Variants in PHTF1 observed in about 807,000 individuals in gnomAD.
PHTF1 encodes protein PHTF1.
A neutral mutation model predicts 102.4 loss-of-function variants in PHTF1; 88 were observed. The observed-to-expected ratio is 0.86, with a 90% confidence interval of 0.72 to 1.03. PHTF1 has a LOEUF of 1.03. Ranked by LOEUF, PHTF1 falls within the 50% of genes least tolerant of loss-of-function variation. The probability of loss-of-function intolerance (pLI) is 0.00; values close to 1 mark genes in which losing one functional copy is unlikely to be tolerated. For synonymous variants in PHTF1, 289 were observed against 305.2 expected (o/e 0.95, Z 0.55); for missense variants, 814 against 909.5 (o/e 0.89, Z 1.35).
chr1:113,758,001 T>C (rs1487065519), intron 2 of PHTF1, among the ~76,000 whole-genome samples: 1 of 152,112 alleles, frequency 6.6e-6, no homozygotes, highest in African/African-American at 2.4e-5. Flanking sequence ...CCTTAAAAGA[T>C]ATTTCCACTT....
intron 3 of PHTF1, among the ~76,000 whole-genome samples, chr1:113,755,532 C>T (rs1371546336): frequency 6.6e-6 from 1 of 151,986 alleles, no homozygotes; most frequent in African/African-American, 2.4e-5. Context: ...TACATTAAGG[C>T]GTGGTTAGGT....
At chr1:113,699,313 T>TA in intron 17 of PHTF1, 1 of 306,668 alleles carries the variant, frequency 3.3e-6, no homozygotes, top group Non-Finnish European at 6.3e-6. Context: ...TATAGCCCCA[T>TA]GGATGGTGCT....
chr1:113,729,441 A>G (rs1305155914), intron 5 of PHTF1, among the ~76,000 whole-genome samples: 1 of 152,222 alleles, frequency 6.6e-6, no homozygotes, highest in Non-Finnish European at 1.5e-5. Flanking sequence ...TAAATGCTTG[A>G]GAAGATGAAT....
At position 113,704,731 on chromosome 1, in the gene PHTF1, G is replaced by T. The variant is rs761288051; in HGVS notation, c.1738C>A (p.Pro580Thr). The change falls in exon 14 of 19, where the codon CCT becomes ACT. Residue 580 changes from proline to threonine, a missense_variant. By Grantham distance (38) the Pro-to-Thr change is conservative. Coordinates refer to ENST00000369604, the MANE Select transcript of PHTF1 (RefSeq NM_001323043.2). ...SARKARKYEIPHFRLKKVENI... is the reference protein window; with the variant it reads ...SARKARKYEITHFRLKKVENI... The stretch of plus-strand genomic sequence containing the variant: ...TCCACCTTCTTAAGTCTGAAATGAG[G>T]TATTTCATATTTCCTAGCTTTCCTG... 1.3e-6 allele frequency: 2 copies of T among 1,568,184 alleles called. No individual in the cohort carries two copies. Among genetic ancestry groups the T allele is most frequent in the African/African-American group, 1.4e-5 (1 of 73,998 alleles).
At chr1:113,758,794 G>A (rs899799825) in intron 1 of PHTF1, 61 bp from the exon 2 acceptor site, 10 of 1,525,406 alleles carry the variant, frequency 6.6e-6, no homozygotes, top group Non-Finnish European at 6.2e-6. Context: ...TCCCAGTTTG[G>A]GTAGGACGCG....
chr1:113,722,529 T>C (rs1014207050), intron 7 of PHTF1, among the ~76,000 whole-genome samples: 3 of 152,118 alleles, frequency 2.0e-5, no homozygotes, highest in Non-Finnish European at 4.4e-5. Context: ...AAAATATCCA[T>C]ATTAACCAAA....
chr1:113,732,419 C>T (rs958568144), intron 5 of PHTF1, among the ~76,000 whole-genome samples: 1 of 152,112 alleles, frequency 6.6e-6, no homozygotes, highest in Middle Eastern at 3.4e-3. Context: ...TTGCTTGAAC[C>T]CAGGAGGCAG....
chr1:113,730,054 A>T (rs1210266934), intron 5 of PHTF1, among the ~76,000 whole-genome samples: 1 of 152,180 alleles, frequency 6.6e-6, no homozygotes, highest in African/African-American at 2.4e-5. Flanking sequence ...AAGTTCTGAG[A>T]GTCATTCCAT....
At chr1:113,741,773 G>T (rs1656402839) in intron 3 of PHTF1, among the ~76,000 whole-genome samples, 1 of 152,102 alleles carries the variant, frequency 6.6e-6, no homozygotes, top group Non-Finnish European at 1.5e-5. Flanking sequence ...TATCTTCAAA[G>T]AATGTACAGT....
chr1:113,733,090 A>C (rs1024171419), intron 5 of PHTF1, among the ~76,000 whole-genome samples: 1 of 50,268 alleles, frequency 2.0e-5, no homozygotes, highest in African/African-American at 1.5e-4. Flanking sequence ...TTTTTTGTAG[A>C]GATGGGATCT....
intron 7 of PHTF1, among the ~76,000 whole-genome samples, chr1:113,719,718 T>G (rs1359169609): frequency 6.6e-6 from 1 of 152,252 alleles, no homozygotes; most frequent in African/African-American, 2.4e-5. Flanking sequence ...TTCCAACCTC[T>G]GCCTGTTACC....
At chr1:113,721,461 C>T (rs1361180694) in intron 7 of PHTF1, among the ~76,000 whole-genome samples, 1 of 152,070 alleles carries the variant, frequency 6.6e-6, no homozygotes, top group African/African-American at 2.4e-5. Context: ...ACAAAGATGC[C>T]CACTTTCATC....
chr1:113,702,366 T>A (rs530629481), intron 15 of PHTF1, among the ~76,000 whole-genome samples: 1 of 151,832 alleles, frequency 6.6e-6, no homozygotes, highest in African/African-American at 2.4e-5. Context: ...GTAGAAAAAG[T>A]AAGAACCAAA....
chr1:113,745,521 G>C (rs184274305), intron 3 of PHTF1, among the ~76,000 whole-genome samples: 2 of 152,332 alleles, frequency 1.3e-5, no homozygotes, highest in Admixed American at 6.5e-5. Flanking sequence ...GCATGGAATA[G>C]TGGTACGTGG....
chr1:113,718,592 C>T (rs922239201), intron 7 of PHTF1, among the ~76,000 whole-genome samples: 3 of 152,260 alleles, frequency 2.0e-5, no homozygotes, highest in African/African-American at 7.2e-5. Flanking sequence ...ATTGCCTGGG[C>T]ATCCATCTTC....
rs1653609215 is a variant in PHTF1 at position 113,725,000 on chromosome 1, G to A, written c.489-107C>T. The A allele has an allele frequency of 1.0e-5, 8 of 763,406 alleles. No individual in the cohort carries two copies. In the East Asian group the frequency reaches 1.6e-4, roughly 16 times the overall value. The allele number at this position is 763,406 out of a possible 1,614,324, so 47.3% of individuals were successfully genotyped here. ...CTGACAAATTACTACCTTAAATCAA[G>A]TATAGTTTAACTTCATATTCTGCGG... On this transcript the variant is annotated intron_variant, in intron 6 of 18. Transcript: ENST00000369604.
chr1:113,700,958 A>T lies in PHTF1; in HGVS notation c.1891-9T>A. 1 of 1,584,926 alleles carries T rather than the reference A, an allele frequency of 6.3e-7. No individual in the cohort carries two copies. Among genetic ancestry groups the T allele is most frequent in the Non-Finnish European group, 8.5e-7 (1 of 1,170,476 alleles). The stretch of plus-strand genomic sequence containing the variant: ...TTATGTCCTTGGAGAACCTATACAA[A>T]GGATCAAAAAAAAGTTAAGTTTTTC... On this transcript the variant is annotated splice_polypyrimidine_tract_variant and intron_variant, in intron 15 of 18. Coordinates refer to ENST00000369604, the MANE Select transcript of PHTF1 (RefSeq NM_001323043.2).
chr1:113,736,506 A>G (rs1022050729), intron 5 of PHTF1, among the ~76,000 whole-genome samples: 5 of 151,972 alleles, frequency 3.3e-5, no homozygotes, highest in African/African-American at 1.2e-4. Context: ...GCACTTTGGG[A>G]GGCTGAGGCG....
intron 10 of PHTF1, among the ~76,000 whole-genome samples, chr1:113,711,071 G>T (rs1447848737): frequency 6.6e-6 from 1 of 152,064 alleles, no homozygotes; most frequent in East Asian, 1.9e-4. Context: ...AGTGATTCCT[G>T]TAAGCACACC....
Sources: gnomAD v4.1 joint callset for allele counts (sites outside exome capture counted in the v4.1 genomes callset) on GRCh38, gnomAD v4.1.1 for gene constraint, MANE v1.5 for transcripts, NCBI Gene and HGNC (gene_info 2026-07-23, HGNC 2026-07-21) for gene names.